SPATC1L: variants seen among roughly 807,000 people sequenced by gnomAD.
SPATC1L encodes the protein spermatogenesis and centriole associated 1 like.
In SPATC1L, 20 loss-of-function variants were observed where a neutral mutation model predicts 21.2. The ratio of observed to expected loss-of-function variants is 0.94; its 90% confidence interval spans 0.66 to 1.37. The LOEUF (loss-of-function observed/expected upper bound fraction) is 1.37. Ranked by LOEUF, SPATC1L falls within the 40% of genes most tolerant of loss-of-function variation. The probability of loss-of-function intolerance (pLI) is 0.00; values close to 1 mark genes in which losing one functional copy is unlikely to be tolerated. For missense variants in SPATC1L, 499 were observed against 478.7 expected, an observed-to-expected ratio of 1.04 and a Z score of -0.40; for synonymous variants, 290 against 234.5, an observed-to-expected ratio of 1.24 and a Z score of -2.16.
intron 4 of SPATC1L, 103 bp from the exon 5 acceptor site, chr21:46,161,808 G>T: frequency 3.3e-6 from 5 of 1,503,152 alleles, no homozygotes; most frequent in Non-Finnish European, 2.7e-6. Flanking sequence ...GGTCCCCGGG[G>T]TCCCCTCCTG....
At chr21:46,165,863 C>T (rs543388617) in intron 3 of SPATC1L, among the ~76,000 whole-genome samples, 1 of 152,276 alleles carries the variant, frequency 6.6e-6, no homozygotes, top group East Asian at 1.9e-4. Context: ...TTTCAGTTGA[C>T]ATTATCAATA....
At chr21:46,177,680 T>G (rs941920731) in intron 2 of SPATC1L, among the ~76,000 whole-genome samples, 1 of 152,264 alleles carries the variant, frequency 6.6e-6, no homozygotes, top group African/African-American at 2.4e-5. Context: ...TCAGCCATTG[T>G]GGAAGACAGT....
chr21:46,171,952 A>C (rs1193855590), intron 2 of SPATC1L, among the ~76,000 whole-genome samples: 1 of 138,334 alleles, frequency 7.2e-6, no homozygotes, highest in Non-Finnish European at 1.6e-5. Flanking sequence ...AAAAAAAAAA[A>C]AAAAAAAAAA....
chr21:46,161,754 CG>C (rs747103925), intron 4 of SPATC1L, 49 bp from the exon 5 acceptor site: 73 of 1,503,432 alleles, frequency 4.9e-5, no homozygotes, highest in Non-Finnish European at 6.0e-5. Flanking sequence ...GGCCCTCGGA[CG>C]GGGACTTCCA....
rs748060860 is a variant in SPATC1L at position 46,161,942 on chromosome 21, C to G, written c.670G>C (p.Ala224Pro). 1 of 1,607,688 alleles carries G rather than the reference C, an allele frequency of 6.2e-7. No homozygotes were observed. The highest frequency in any genetic ancestry group is 1.3e-5 in the African/African-American group (1 of 74,912). The change falls in exon 4 of 5, where the codon GCC (alanine) becomes CCC (proline). Residue 224 changes from alanine (A) to proline (P), a missense_variant. By Grantham distance (27) the Ala-to-Pro change is conservative (BLOSUM62 -1). Transcript: ENST00000291672. ...GVTRLYGFTV[A>P]NIPEKIEQTS... ...TGCTCGATCTTCTCGGGGATGTTGG[C>G]CACCGTGAAGCCGTAGAGCCGCGTC...
At chr21:46,170,478 AG>A in intron 2 of SPATC1L, among the ~76,000 whole-genome samples, 1 of 98,334 alleles carries the variant, frequency 1.0e-5, no homozygotes, top group Non-Finnish European at 2.0e-5. Context: ...GATGGGGAGG[AG>A]CCTCCTGCTC....
intron 2 of SPATC1L, among the ~76,000 whole-genome samples, chr21:46,178,100 T>A (rs1302841007): frequency 6.6e-6 from 1 of 151,946 alleles, no homozygotes; most frequent in African/African-American, 2.4e-5. Context: ...GGCATGGTGG[T>A]GCATGCCTGT....
Position 46,168,346 on chromosome 21 carries a change from G to T in SPATC1L, c.506C>A (p.Pro169His). The T allele has an allele frequency of 6.2e-7, 1 of 1,600,466 alleles. No homozygotes were observed. The highest frequency in any genetic ancestry group is 8.6e-7 in the Non-Finnish European group (1 of 1,169,544). ...KKVCFSESSL[P>H]TGDRTRRSYY... The stretch of plus-strand genomic sequence containing the variant: ...GCTCCTCCTGGTCCTGTCCCCGGTG[G>T]GCAGGCTGCTCTCCGAGAAACACAC... The change falls in exon 3 of 5, where the codon CCC becomes CAC. Residue 169 changes from proline to histidine, a missense_variant. Pro to His is a moderately conservative substitution (Grantham distance 77). Transcript: ENST00000291672.
chr21:46,182,979 A>G lies in SPATC1L; in HGVS notation c.-163T>C. 1.3e-6 allele frequency: 1 copy of G among 741,572 alleles called. No homozygotes were observed. Among genetic ancestry groups the G allele is most frequent in the Non-Finnish European group, 2.1e-6 (1 of 486,514 alleles). The allele number at this position is 741,572 out of a possible 1,614,324, so 45.9% of individuals were successfully genotyped here. A position where few individuals can be genotyped will look rare whatever the true frequency, so the allele number is the denominator to read the frequency against. ...CTGCCCTAGTGATGAGGTGCCCAGC[A>G]CCCTGCCTGCCCCCGCGATGGCTCA... On this transcript the variant is annotated 5_prime_UTR_variant, in exon 2 of 5. Transcript: ENST00000291672.
intron 2 of SPATC1L, among the ~76,000 whole-genome samples, chr21:46,176,077 A>G (rs749089983): frequency 6.2e-4 from 94 of 152,250 alleles, no homozygotes; most frequent in Non-Finnish European, 8.7e-4. Context: ...ATAGATGCAA[A>G]AAAAGCTTTC....
chr21:46,179,231 T>C (rs958679538), intron 2 of SPATC1L, among the ~76,000 whole-genome samples: 5 of 151,894 alleles, frequency 3.3e-5, no homozygotes, highest in Non-Finnish European at 2.9e-5. Context: ...CTGGGGAACA[T>C]AGACCCTGTC....
At chr21:46,164,038 C>G (rs953418931) in intron 3 of SPATC1L, among the ~76,000 whole-genome samples, 4 of 152,126 alleles carry the variant, frequency 2.6e-5, no homozygotes, top group Admixed American at 6.5e-5. Flanking sequence ...GAAAGGGTCT[C>G]GCTCTGTCAC....
intron 2 of SPATC1L, among the ~76,000 whole-genome samples, chr21:46,170,462 T>G (rs2079578479): frequency 4.2e-5 from 5 of 119,358 alleles, no homozygotes; most frequent in Admixed American, 7.9e-5. Context: ...GTGAGCATCC[T>G]CTGTGGATGG....
Position 46,161,502 on chromosome 21 carries a change from C to G in SPATC1L, c.900G>C (p.Pro300=), listed in dbSNP as rs1316721630. 3 of 1,607,516 alleles carry G rather than the reference C, an allele frequency of 1.9e-6. No individual in the cohort carries two copies. In the African/African-American group the frequency reaches 4.0e-5, roughly 21 times the overall value. ...DLRANPLHSS[P]AALRKLVIDV... ...CGATGACCAGCTTGCGCAGCGCGGCCGGGCTGCTGTGCAGGGGGTTGGCGC... is the reference window on the plus strand; with the variant it reads ...CGATGACCAGCTTGCGCAGCGCGGCGGGGCTGCTGTGCAGGGGGTTGGCGC... Residue 300 remains proline (P), a synonymous_variant, in exon 5 of 5, where the codon CCG becomes CCC. Coordinates refer to ENST00000291672, the MANE Select transcript of SPATC1L (RefSeq NM_001142854.2).
Position 46,171,111 on chromosome 21 carries a change from G to A in SPATC1L, c.194-2453C>T, listed in dbSNP as rs141722032. ...TTTCTTTGCTTTCCACACCAAGGGG[G>A]AGGGTCCATGCCCACCAACACCTCC... On this transcript the variant is annotated intron_variant, in intron 2 of 4. Coordinates refer to ENST00000291672, the MANE Select transcript of SPATC1L (RefSeq NM_001142854.2). Among the ~76,000 whole-genome samples the A allele has an allele frequency of 3.2e-3, 490 of 152,330 alleles. 32 individuals carry two copies. The South Asian group carries it at 0.088, about 28-fold the overall frequency.
intron 2 of SPATC1L, among the ~76,000 whole-genome samples, chr21:46,181,299 C>T (rs918232073): frequency 2.0e-5 from 3 of 152,300 alleles, no homozygotes; most frequent in African/African-American, 7.2e-5. Context: ...GATGGAGACG[C>T]AGAACCTGGG....
intron 2 of SPATC1L, among the ~76,000 whole-genome samples, chr21:46,169,439 C>T (rs1251183799): frequency 9.3e-6 from 1 of 108,026 alleles, no homozygotes; most frequent in African/African-American, 4.3e-5. Context: ...GGAGCCCCTG[C>T]TCTGTGAGCA....
intron 2 of SPATC1L, among the ~76,000 whole-genome samples, chr21:46,172,076 G>A (rs557775035): frequency 1.7e-4 from 26 of 150,746 alleles, no homozygotes; most frequent in South Asian, 4.2e-4. Context: ...AGCATGAGGC[G>A]GGGGATGCAC....
rs766201850 is a variant in SPATC1L, at chr21:46,182,892, ACAGAAACAGCC to A, written c.-87_-77del. ...TGGGAGCCCAGAGCCCGCAGGCACC[ACAGAAACAGCC>A]CAGGCACGGAGTTCCGTAGCCACCA... On this transcript the variant is annotated 5_prime_UTR_variant, in exon 2 of 5. An upstream open reading frame in the 5' UTR loses its in-frame stop. Coordinates refer to ENST00000291672, the MANE Select transcript of SPATC1L (RefSeq NM_001142854.2). 2.1e-6 allele frequency: 3 copies of A among 1,396,348 alleles called. No individual in the cohort carries two copies. Among genetic ancestry groups the A allele is most frequent in the Non-Finnish European group, 2.8e-6 (3 of 1,058,266 alleles). The allele number at this position is 1,396,348 out of a possible 1,614,324, so 86.5% of individuals were successfully genotyped here.
Sources: allele counts gnomAD v4.1 joint callset (sites outside exome capture counted in the v4.1 genomes callset), GRCh38; gene constraint gnomAD v4.1.1; transcripts MANE v1.5; gene names NCBI Gene and HGNC (gene_info 2026-07-23, HGNC 2026-07-21).